The following CCDC30 variants were observed in gnomAD, a reference collection of about 807,000 sequenced individuals.
CCDC30 encodes coiled-coil domain containing 30.
In CCDC30, 70 loss-of-function variants were observed where a neutral mutation model predicts 100.2. That is an observed-to-expected ratio of 0.70 (90% CI 0.58 to 0.85). The LOEUF (loss-of-function observed/expected upper bound fraction) is 0.85. CCDC30 is among the 40% of genes least tolerant of loss of function. The pLI is 0.00. For missense variants in CCDC30, 652 were observed against 771.2 expected (o/e 0.85, Z 1.83); for synonymous variants, 233 against 269.5 (o/e 0.86, Z 1.33).
At chr1:42,539,081 C>A in intron 6 of CCDC30, 92 bp from the exon 8 acceptor site, 1 of 1,064,292 alleles carries the variant, frequency 9.4e-7, no homozygotes, top group Non-Finnish European at 1.3e-6. Context: ...TTTGTCAGGA[C>A]CATTTCAAGA....
At chr1:42,507,706 G>C (rs1416731662) in intron 6 of CCDC30, among the ~76,000 whole-genome samples, 2 of 151,918 alleles carry the variant, frequency 1.3e-5, no homozygotes, top group East Asian at 3.9e-4. Context: ...TATGTACTAG[G>C]CACAGAGAAA....
At chr1:42,655,546 C>T (rs1206886525), downstream of CCDC30, among the ~76,000 whole-genome samples, 2 of 151,216 alleles carry the variant, frequency 1.3e-5, no homozygotes, top group East Asian at 1.9e-4. Flanking sequence ...GACTCCATCT[C>T]GAAAAAATAA....
In CCDC30 at chr1:42,472,596, T is replaced by G. The variant is rs561218179; in HGVS notation, c.-91-7865T>G. Among the ~76,000 whole-genome samples, 5 of 152,180 alleles carry G rather than the reference T, an allele frequency of 3.3e-5. No homozygotes were observed. The South Asian group carries it at 8.3e-4, about 25-fold the overall frequency. ...ACTTTAAAAAAGAAACAAGAGCCCT[T>G]TGGGAGACTTTTCAGATAAAAGTTG... On this transcript the variant is annotated intron_variant, in intron 1 of 16. Coordinates refer to ENST00000668663, the Ensembl canonical transcript of CCDC30.
chr1:42,565,902 A>G (rs1347187658), intron 6 of CCDC30, among the ~76,000 whole-genome samples: 1 of 141,448 alleles, frequency 7.1e-6, no homozygotes, highest in Non-Finnish European at 1.5e-5. Flanking sequence ...CTTTTTGCCA[A>G]CAGACACCAC....
intron 10 of CCDC30, among the ~76,000 whole-genome samples, chr1:42,606,493 G>T (rs1346422110): frequency 6.6e-6 from 1 of 152,140 alleles, no homozygotes; most frequent in African/African-American, 2.4e-5. Context: ...GGCCAGGCTT[G>T]TCTCGAACTC....
chr1:42,496,833 C>G (rs754513478), intron 4 of CCDC30, among the ~76,000 whole-genome samples: 1 of 152,116 alleles, frequency 6.6e-6, no homozygotes, highest in Non-Finnish European at 1.5e-5. Flanking sequence ...TTGCTGCAAA[C>G]CCTACACTCA....
At chr1:42,544,947 A>C (rs894586037) in intron 6 of CCDC30, among the ~76,000 whole-genome samples, 5 of 152,084 alleles carry the variant, frequency 3.3e-5, no homozygotes, top group Non-Finnish European at 7.4e-5. Context: ...AGATATATCT[A>C]ATATTCTTTC....
Position 42,489,691 on chromosome 1 carries a change from A to G in CCDC30, c.170-467A>G, listed in dbSNP as rs146920856. Among the ~76,000 whole-genome samples the G allele has an allele frequency of 5.3e-3, 800 of 152,340 alleles. 8 individuals are homozygous for G. The highest frequency in any genetic ancestry group is 0.018 in the African/African-American group (769 of 41,580). On this transcript the variant is annotated intron_variant, in intron 3 of 16. Coordinates refer to ENST00000668663, the Ensembl canonical transcript of CCDC30. Reference sequence around the variant, plus strand: ...CTAAATATCACTGTGCCATCCTTATACAATTCTTGCATAGCACCAAAAGCT... The same window carrying G: ...CTAAATATCACTGTGCCATCCTTATGCAATTCTTGCATAGCACCAAAAGCT...
At chr1:42,537,645 T>A (rs1644930442) in intron 6 of CCDC30, 1 of 198,954 alleles carries the variant, frequency 5.0e-6, no homozygotes, top group Non-Finnish European at 1.0e-5. Flanking sequence ...TCAGTGCACA[T>A]CCTGTGTCAT....
intron 1 of CCDC30, among the ~76,000 whole-genome samples, chr1:42,476,037 C>G (rs778313139): frequency 1.4e-4 from 22 of 152,298 alleles, no homozygotes; most frequent in Non-Finnish European, 2.8e-4. Flanking sequence ...CTGAATTGGA[C>G]AGACAATAGT....
chr1:42,555,085 G>A (rs1645341347), intron 6 of CCDC30, among the ~76,000 whole-genome samples: 2 of 151,978 alleles, frequency 1.3e-5, no homozygotes, highest in African/African-American at 2.4e-5. Context: ...TATCAATACT[G>A]TCTTTTAAAT....
At chr1:42,612,155 T>C (rs1269891714) in intron 11 of CCDC30, among the ~76,000 whole-genome samples, 1 of 152,258 alleles carries the variant, frequency 6.6e-6, no homozygotes, top group Non-Finnish European at 1.5e-5. Context: ...TTGTGCTTTG[T>C]TGCTATAGTC....
chr1:42,581,606 T>G, intron 9 of CCDC30, 92 bp downstream of exon 13: 1 of 1,195,938 alleles, frequency 8.4e-7, no homozygotes, highest in South Asian at 1.6e-5. Context: ...TATCAGAGAG[T>G]ATTTCTGCTC....
intron 6 of CCDC30, among the ~76,000 whole-genome samples, chr1:42,541,092 CA>C (rs1645002836): frequency 6.6e-6 from 1 of 152,152 alleles, no homozygotes; most frequent in Non-Finnish European, 1.5e-5. Flanking sequence ...GTAGATTAAA[CA>C]ACAAATATTT....
intron 11 of CCDC30, among the ~76,000 whole-genome samples, chr1:42,627,219 T>C (rs146502859): frequency 0.013 from 1,915 of 152,274 alleles, 43 homozygotes; most frequent in African/African-American, 0.043. Flanking sequence ...AAGAGACTAG[T>C]GCCATTTTGC....
At chr1:42,556,302 A>T in intron 6 of CCDC30, 1 of 1,614,076 alleles carries the variant, frequency 6.2e-7, no homozygotes, top group Non-Finnish European at 8.5e-7. Context: ...TTAACCATGA[A>T]GCCTGAGGAA....
At chr1:42,587,646 C>A (rs1646100433) in intron 9 of CCDC30, among the ~76,000 whole-genome samples, 1 of 152,148 alleles carries the variant, frequency 6.6e-6, no homozygotes, top group African/African-American at 2.4e-5. Flanking sequence ...CCCCCAATAA[C>A]CTGTTGATTT....
chr1:42,618,229 CTTTTT>C lies in CCDC30; in HGVS notation c.1277+7159_1277+7163del, dbSNP rs563022326. 1.3e-4 allele frequency among the ~76,000 whole-genome samples: 12 copies of C among 90,464 alleles called. 1 individual carries two copies. The highest frequency in any genetic ancestry group is 0.02 in the Middle Eastern group (2 of 102). 59.3% of individuals were successfully genotyped at this position (90,464 alleles called of 152,430 possible). On this transcript the variant is annotated intron_variant, in intron 11 of 16. Transcript: ENST00000668663. The stretch of plus-strand genomic sequence containing the variant: ...GGAGGATGTTGAAAACCAGTGATAT[CTTTTT>C]TTTTTTTTTTTTTTTTTTTGAGATG...
At chr1:42,477,788 A>T (rs1643900280) in intron 1 of CCDC30, among the ~76,000 whole-genome samples, 1 of 152,150 alleles carries the variant, frequency 6.6e-6, no homozygotes, top group African/African-American at 2.4e-5. Flanking sequence ...AATACTAGGA[A>T]AATTCAGGGG....
Sources: gnomAD v4.1 joint callset for allele counts (sites outside exome capture counted in the v4.1 genomes callset) on GRCh38, gnomAD v4.1.1 for gene constraint, MANE v1.5 for transcripts, NCBI Gene and HGNC (gene_info 2026-07-23, HGNC 2026-07-21) for gene names.